ERC1: variants seen among roughly 807,000 people sequenced by gnomAD.
The protein encoded by ERC1 is ELKS/RAB6-interacting/CAST family member 1, also known as RAB6 interacting protein 2.
In ERC1, 56 loss-of-function variants were observed where a neutral mutation model predicts 132.0. The ratio of observed to expected loss-of-function variants is 0.42; its 90% CI spans 0.34 to 0.53. The LOEUF (loss-of-function observed/expected upper bound fraction) is 0.53, where lower values mean the gene tolerates loss of function less well. Ranked by LOEUF, ERC1 falls within the 20% of genes least tolerant of loss-of-function variation. The pLI, the probability that ERC1 is intolerant of heterozygous loss-of-function variation, is 0.03. For missense variants in ERC1, 1,202 were observed against 1,349.9 expected (o/e 0.89, Z 1.72); for synonymous variants, 478 against 476.1 (o/e 1.00, Z -0.05).
Position 1,394,230 on chromosome 12 carries a change from C to G in ERC1, c.2926-13919C>G, listed in dbSNP as rs180991212. Among the ~76,000 whole-genome samples the G allele has an allele frequency of 5.3e-3, 793 of 150,662 alleles. 1 individual carries two copies. Among genetic ancestry groups the G allele is most frequent in the Non-Finnish European group, 8.2e-3 (553 of 67,724 alleles). On this transcript the variant is annotated intron_variant, in intron 16 of 18. Transcript: ENST00000360905. ...CCTGGCTAACACGGTGAAACCCCAT[C>G]TCTACTAAAAATACAAAAAATTAGC...
chr12:1,057,185 G>A (rs1035416972), intron 2 of ERC1, among the ~76,000 whole-genome samples: 3 of 152,022 alleles, frequency 2.0e-5, no homozygotes, highest in African/African-American at 4.8e-5. Flanking sequence ...TTGTCAGCGC[G>A]ATCTCTCGGC....
At chr12:1,126,732 G>C (rs903565447) in intron 7 of ERC1, among the ~76,000 whole-genome samples, 2 of 152,162 alleles carry the variant, frequency 1.3e-5, no homozygotes, top group African/African-American at 2.4e-5. Context: ...GCTCACGCCT[G>C]TAATCCCAGC....
At chr12:1,377,674 C>T (rs1188062579) in intron 16 of ERC1, among the ~76,000 whole-genome samples, 1 of 152,136 alleles carries the variant, frequency 6.6e-6, no homozygotes, top group Non-Finnish European at 1.5e-5. Context: ...CATTGGCCCA[C>T]CTTTAAATGG....
chr12:1,469,037 T>A (rs2093804425), intron 18 of ERC1, among the ~76,000 whole-genome samples: 1 of 152,224 alleles, frequency 6.6e-6, no homozygotes, highest in Admixed American at 6.5e-5. Context: ...AAGCAGAGTG[T>A]TTCAGGAATG....
At chr12:1,352,427 C>A (rs2085085674) in intron 15 of ERC1, among the ~76,000 whole-genome samples, 1 of 152,194 alleles carries the variant, frequency 6.6e-6, no homozygotes, top group East Asian at 1.9e-4. Context: ...ACTGGACCAT[C>A]AGGCTGGAAA....
In ERC1 at chr12:1,483,668, CTTTTTTTTTTTTTTTTTTTTT is replaced by C. The variant is rs35596394; in HGVS notation, c.3214-6407_3214-6387del. 4.7e-4 allele frequency among the ~76,000 whole-genome samples: 26 copies of C among 55,220 alleles called. No individual in the cohort carries two copies. The East Asian group carries it at 0.011, about 24-fold the overall frequency. The allele number at this position is 55,220 out of a possible 152,430, so 36.2% of individuals were successfully genotyped here. On this transcript the variant is annotated intron_variant, in intron 18 of 18. Coordinates refer to ENST00000360905, the MANE Select transcript of ERC1 (RefSeq NM_178040.4). Reference sequence around the variant, plus strand: ...CAAAACTCCTTCCAGCCACTGAGAGCTTTTTTTTTTTTTTTTTTTTTTTTTTTTTTTTTTTTTTGGAGACAG... The same window carrying C: ...CAAAACTCCTTCCAGCCACTGAGAGCTTTTTTTTTTTTTTTTTGGAGACAG...
intron 15 of ERC1, among the ~76,000 whole-genome samples, chr12:1,292,776 C>T (rs1404526175): frequency 2.6e-5 from 4 of 151,884 alleles, no homozygotes; most frequent in African/African-American, 7.2e-5. Flanking sequence ...TTTGGGAGGC[C>T]GAGGCGGGTG....
intron 2 of ERC1, among the ~76,000 whole-genome samples, chr12:1,075,519 C>T (rs1474396004): frequency 1.2e-4 from 18 of 152,038 alleles, no homozygotes; most frequent in African/African-American, 3.1e-4. Context: ...GGTGAAACCC[C>T]GTCTCTACTA....
chr12:1,444,825 A>G (rs2093259043), intron 18 of ERC1, 75 bp downstream of exon 18: 7 of 1,368,342 alleles, frequency 5.1e-6, no homozygotes, highest in African/African-American at 4.5e-5. Flanking sequence ...AGTGGGGGCT[A>G]CCTTGGGGAA....
intron 15 of ERC1, among the ~76,000 whole-genome samples, chr12:1,296,938 A>G (rs550032306): frequency 2.6e-5 from 4 of 152,296 alleles, no homozygotes; most frequent in East Asian, 3.9e-4. Flanking sequence ...AATGGCCAAC[A>G]TATTTCTATA....
At chr12:1,168,479 CTTTT>C (rs746267742) in intron 8 of ERC1, among the ~76,000 whole-genome samples, 2 of 91,982 alleles carry the variant, frequency 2.2e-5, no homozygotes, top group Admixed American at 1.1e-4. Flanking sequence ...AGTGACTGGT[CTTTT>C]TTTTTTTTTT....
intron 13 of ERC1, among the ~76,000 whole-genome samples, chr12:1,259,874 G>C (rs1277753217): frequency 6.6e-6 from 1 of 152,078 alleles, no homozygotes; most frequent in Admixed American, 6.5e-5. Flanking sequence ...AATTCCTCCT[G>C]ATATCATTGC....
intron 7 of ERC1, among the ~76,000 whole-genome samples, chr12:1,123,678 G>A (rs1244037411): frequency 6.6e-6 from 1 of 152,166 alleles, no homozygotes; most frequent in Non-Finnish European, 1.5e-5. Flanking sequence ...GCCGATCGAT[G>A]CACCTAACAG....
In ERC1 at chr12:1,377,529, A is replaced by G. The variant is rs373124584; in HGVS notation, c.2925+5552A>G. ...ACTCAGAAACAATTTGTCCTATAAT[A>G]TGGACTTGCTATCTTTCAATTCATT... On this transcript the variant is annotated intron_variant, in intron 16 of 18. Coordinates refer to ENST00000360905, the MANE Select transcript of ERC1 (RefSeq NM_178040.4). Among the ~76,000 whole-genome samples the G allele has an allele frequency of 1.3e-3, 193 of 152,336 alleles. 2 individuals carry two copies. Among genetic ancestry groups the G allele is most frequent in the African/African-American group, 4.2e-3 (174 of 41,574 alleles).
At chr12:1,161,799 T>C (rs1335234282) in intron 8 of ERC1, among the ~76,000 whole-genome samples, 1 of 152,228 alleles carries the variant, frequency 6.6e-6, no homozygotes, top group Non-Finnish European at 1.5e-5. Context: ...GGAAGAAGAA[T>C]ATGGTAACAC....
At chr12:1,012,356 A>G (rs73606383) in intron 1 of ERC1, among the ~76,000 whole-genome samples, 2,105 of 152,256 alleles carry the variant, frequency 0.014, 45 homozygotes, top group African/African-American at 0.049. Context: ...TGTAATTAAT[A>G]TCTGTGTATC....
chr12:1,418,469 CTGT>C (rs1201670889), intron 17 of ERC1, among the ~76,000 whole-genome samples: 1 of 152,338 alleles, frequency 6.6e-6, no homozygotes, highest in African/African-American at 2.4e-5. Flanking sequence ...CAGTTTATTA[CTGT>C]TATTAGATTA....
At chr12:1,324,239 T>C (rs1221739829) in intron 15 of ERC1, among the ~76,000 whole-genome samples, 1 of 152,180 alleles carries the variant, frequency 6.6e-6, no homozygotes, top group Non-Finnish European at 1.5e-5. Flanking sequence ...AATTAGTGAG[T>C]GACTTAGTCT....
At chr12:1,162,175 G>C (rs1232524936) in intron 8 of ERC1, among the ~76,000 whole-genome samples, 1 of 152,202 alleles carries the variant, frequency 6.6e-6, no homozygotes, top group African/African-American at 2.4e-5. Context: ...ATGGCCAAGC[G>C]TGCTGTACAA....
Sources: gnomAD v4.1 joint callset for allele counts (sites outside exome capture counted in the v4.1 genomes callset) on GRCh38, gnomAD v4.1.1 for gene constraint, MANE v1.5 for transcripts, NCBI Gene and HGNC (gene_info 2026-07-23, HGNC 2026-07-21) for gene names.